Variants in FAM193A observed in about 807,000 individuals in gnomAD.
FAM193A encodes protein FAM193A.
In FAM193A, 22 loss-of-function variants were observed where a neutral mutation model predicts 126.5. The ratio of observed to expected loss-of-function variants is 0.17; its 90% confidence interval spans 0.12 to 0.25. The LOEUF is 0.25. Among genes scored for constraint, FAM193A ranks in the 10% least tolerant of loss-of-function variants. FAM193A has a pLI of 1.00. For synonymous variants in FAM193A, 761 were observed against 646.8 expected (o/e 1.18, Z -2.68); for missense variants, 1,675 against 1,672.8 (o/e 1.00, Z -0.02).
At chr4:2,535,825 C>A (rs1422206505), upstream of FAM193A, among the ~76,000 whole-genome samples, 1 of 152,138 alleles carries the variant, frequency 6.6e-6, no homozygotes. Context: ...AGGGAGAGGG[C>A]GGGCTCGGGA....
chr4:2,624,032 T>A (rs1332085219), intron 2 of FAM193A, among the ~76,000 whole-genome samples: 1 of 152,094 alleles, frequency 6.6e-6, no homozygotes, highest in Admixed American at 6.6e-5. Flanking sequence ...AGAGTCCTTC[T>A]CAGGGCCTCT....
At chr4:2,567,026 G>A (rs576338880) in intron 1 of FAM193A, among the ~76,000 whole-genome samples, 4 of 149,314 alleles carry the variant, frequency 2.7e-5, no homozygotes, top group African/African-American at 9.9e-5. Context: ...TGCAAGCTCC[G>A]CCTCCCAGGT....
At chr4:2,581,309 AG>A (rs1310789201) in intron 1 of FAM193A, among the ~76,000 whole-genome samples, 2 of 144,554 alleles carry the variant, frequency 1.4e-5, no homozygotes, top group Non-Finnish European at 3.0e-5. Flanking sequence ...GCTGGAATGC[AG>A]GGGCACAATC....
intron 2 of FAM193A, among the ~76,000 whole-genome samples, chr4:2,619,049 C>T (rs1013194538): frequency 2.6e-5 from 4 of 152,006 alleles, no homozygotes; most frequent in African/African-American, 9.7e-5. Context: ...TTTTTATTGC[C>T]TGTGTTCAGG....
chr4:2,631,947 C>A (rs932282309), intron 5 of FAM193A, among the ~76,000 whole-genome samples: 7 of 152,176 alleles, frequency 4.6e-5, no homozygotes, highest in African/African-American at 1.7e-4. Context: ...ATCACTTAAA[C>A]TTTATTATTA....
At chr4:2,591,423 A>G (rs780464219) in intron 1 of FAM193A, among the ~76,000 whole-genome samples, 2 of 152,112 alleles carry the variant, frequency 1.3e-5, no homozygotes, top group African/African-American at 2.4e-5. Flanking sequence ...GGTCATAGGT[A>G]CAGTGTGAGG....
At chr4:2,698,289 C>T (rs1717273218) in intron 18 of FAM193A, among the ~76,000 whole-genome samples, 1 of 152,178 alleles carries the variant, frequency 6.6e-6, no homozygotes, top group Admixed American at 6.5e-5. Context: ...GGCACGTGTG[C>T]TGGATTTAGA....
At chr4:2,654,835 G>A (rs566727098) in intron 7 of FAM193A, 1 of 369,508 alleles carries the variant, frequency 2.7e-6, no homozygotes, top group South Asian at 9.0e-5. Context: ...GCTATGACCG[G>A]CATCTTGAGT....
intron 1 of FAM193A, among the ~76,000 whole-genome samples, chr4:2,558,878 G>T (rs1230864880): frequency 6.6e-6 from 1 of 152,172 alleles, no homozygotes; most frequent in Non-Finnish European, 1.5e-5. Flanking sequence ...GCATGTACCT[G>T]TAATTCCAGC....
intron 1 of FAM193A, among the ~76,000 whole-genome samples, chr4:2,586,255 AT>A (rs148045593): frequency 0.014 from 1,967 of 135,974 alleles, 33 homozygotes; most frequent in African/African-American, 0.049. Context: ...AAAAAAAAAA[AT>A]ATATATATAT....
At chr4:2,708,931 G>A (rs1718617937) in intron 19 of FAM193A, among the ~76,000 whole-genome samples, 1 of 151,886 alleles carries the variant, frequency 6.6e-6, no homozygotes, top group Non-Finnish European at 1.5e-5. Context: ...TTACTTAACT[G>A]CATCTTTTCT....
At chr4:2,581,496 C>T (rs1034151558) in intron 1 of FAM193A, among the ~76,000 whole-genome samples, 3 of 152,038 alleles carry the variant, frequency 2.0e-5, no homozygotes, top group African/African-American at 7.2e-5. Context: ...TCAGGCAATC[C>T]GCCTGTCTGG....
intron 1 of FAM193A, among the ~76,000 whole-genome samples, chr4:2,562,494 A>T (rs147688238): frequency 6.6e-6 from 1 of 152,276 alleles, no homozygotes; most frequent in Non-Finnish European, 1.5e-5. Flanking sequence ...CCCTTTCAAG[A>T]GTCTCAGAAA....
chr4:2,564,612 G>A (rs1397234614), intron 1 of FAM193A, among the ~76,000 whole-genome samples: 1 of 152,076 alleles, frequency 6.6e-6, no homozygotes, highest in African/African-American at 2.4e-5. Flanking sequence ...TAGGGGGTGG[G>A]GGAGTGAGCA....
intron 1 of FAM193A, among the ~76,000 whole-genome samples, chr4:2,571,329 A>G (rs1739280893): frequency 6.6e-6 from 1 of 152,172 alleles, no homozygotes; most frequent in Non-Finnish European, 1.5e-5. Context: ...GGCAGGTTCT[A>G]GAGTACCAGG....
chr4:2,648,100 A>G (rs939951796), intron 7 of FAM193A, among the ~76,000 whole-genome samples: 128 of 151,674 alleles, frequency 8.4e-4, no homozygotes, highest in Admixed American at 8.3e-3. Context: ...TGTTGTTTGG[A>G]TTTTCGCGGG....
chr4:2,687,647 C>T (rs1372680757), intron 13 of FAM193A, among the ~76,000 whole-genome samples: 2 of 152,340 alleles, frequency 1.3e-5, no homozygotes, highest in South Asian at 2.1e-4. Context: ...TTCCTTGCCA[C>T]CTTCACTGCC....
At chr4:2,610,001 G>A (rs1741768855) in intron 2 of FAM193A, among the ~76,000 whole-genome samples, 1 of 151,688 alleles carries the variant, frequency 6.6e-6, no homozygotes, top group African/African-American at 2.4e-5. Flanking sequence ...GGAGGCCGAG[G>A]CAGATGGGTC....
In FAM193A at chr4:2,700,084, C is replaced by T; in HGVS notation, c.3912C>T (p.Asp1304=). 6.2e-7 allele frequency: 1 copy of T among 1,613,956 alleles called. No homozygotes were observed. Among genetic ancestry groups the T allele is most frequent in the South Asian group, 1.1e-5 (1 of 91,058 alleles). Residue 1304 remains aspartate, a synonymous_variant, in exon 19 of 21, where the codon GAC becomes GAT. Transcript: ENST00000637812. ...CTGCAGACCCCGTCGACACCAGAGACTCCAAATTTCTCCTCCCCAAGGAGG... is the reference window on the plus strand; with the variant it reads ...CTGCAGACCCCGTCGACACCAGAGATTCCAAATTTCTCCTCCCCAAGGAGG... ...GDAADPVDTR[D]SKFLLPKEVN... is the part of the protein sequence containing the mutation.
Sources: allele counts gnomAD v4.1 joint callset (sites outside exome capture counted in the v4.1 genomes callset), GRCh38; gene constraint gnomAD v4.1.1; transcripts MANE v1.5; gene names NCBI Gene and HGNC (gene_info 2026-07-23, HGNC 2026-07-21).